TMEM181: variants seen among roughly 807,000 people sequenced by gnomAD.
TMEM181 encodes transmembrane protein 181.
In TMEM181, 39 loss-of-function variants were observed where a neutral mutation model predicts 71.9. The ratio of observed to expected loss-of-function variants is 0.54; its 90% CI spans 0.42 to 0.71. The LOEUF (loss-of-function observed/expected upper bound fraction) is 0.71, where lower values mean the gene tolerates loss of function less well. Among genes scored for constraint, TMEM181 ranks in the 30% least tolerant of loss-of-function variants. TMEM181 has a pLI of 0.00. For synonymous variants in TMEM181, 245 were observed against 228.8 expected (o/e 1.07, Z -0.64); for missense variants, 595 against 583.0 (o/e 1.02, Z -0.21).
intron 13 of TMEM181, chr6:158,628,169 T>G (rs1362345169): frequency 1.0e-5 from 7 of 670,124 alleles, no homozygotes; most frequent in Admixed American, 8.2e-5. Flanking sequence ...ATCCTGTCCC[T>G]GCAGCCGGCC....
intron 2 of TMEM181, among the ~76,000 whole-genome samples, chr6:158,576,439 T>A (rs1198750445): frequency 2.6e-5 from 4 of 152,132 alleles, no homozygotes; most frequent in Non-Finnish European, 5.9e-5. Flanking sequence ...CCCCGCTGGC[T>A]AACGTTACTT....
At chr6:158,573,546 TGAATCTTTTGCCATG>T in intron 2 of TMEM181, 23 bp downstream of exon 2, 1 of 1,569,818 alleles carries the variant, frequency 6.4e-7, no homozygotes, top group Non-Finnish European at 8.7e-7. Context: ...TTTTACTCAT[TGAATCTTTTGCCATG>T]CGCGGTGGCC....
At chr6:158,583,233 C>T (rs1188544185) in intron 3 of TMEM181, among the ~76,000 whole-genome samples, 1 of 152,036 alleles carries the variant, frequency 6.6e-6, no homozygotes, top group East Asian at 1.9e-4. Flanking sequence ...ACTCCCGTCT[C>T]AAAAAATAAT....
At chr6:158,612,954 A>G (rs1262698488) in intron 10 of TMEM181, among the ~76,000 whole-genome samples, 2 of 152,238 alleles carry the variant, frequency 1.3e-5, no homozygotes, top group African/African-American at 4.8e-5. Context: ...AGAGGTAGAA[A>G]TGACAAAAAG....
chr6:158,627,077 ACACCCT>A (rs71030183), intron 13 of TMEM181, among the ~76,000 whole-genome samples: 19,543 of 143,076 alleles, frequency 0.14, 1,341 homozygotes, highest in Non-Finnish European at 0.15. Context: ...CTTCACTGAC[ACACCCT>A]CACCCTCACC....
chr6:158,615,103 AAC>A (rs1383875033), intron 10 of TMEM181, among the ~76,000 whole-genome samples: 1 of 152,228 alleles, frequency 6.6e-6, no homozygotes, highest in Non-Finnish European at 1.5e-5. Flanking sequence ...CACTCCCACC[AAC>A]AGTGTAAAAG....
chr6:158,596,879 G>A (rs12662329), intron 6 of TMEM181, among the ~76,000 whole-genome samples: 54,938 of 152,026 alleles, frequency 0.36, 11,015 homozygotes, highest in East Asian at 0.75. Flanking sequence ...CCCATGATTC[G>A]ATGACCTCCC....
At chr6:158,592,617 TACTAATAGCTGTAGTAGTTCACC>T (rs1784170076) in intron 6 of TMEM181, among the ~76,000 whole-genome samples, 1 of 152,110 alleles carries the variant, frequency 6.6e-6, no homozygotes, top group Non-Finnish European at 1.5e-5. Flanking sequence ...GGATTACAGC[TACTAATAGCTGTAGTAGTTCACC>T]ACGCCCTGCT....
chr6:158,554,804 A>G (rs767566463), intron 1 of TMEM181, among the ~76,000 whole-genome samples: 13 of 152,388 alleles, frequency 8.5e-5, no homozygotes, highest in Non-Finnish European at 1.6e-4. Flanking sequence ...AATGTTAGTC[A>G]TGAGACAGTA....
At chr6:158,581,956 T>C (rs1783507911) in intron 3 of TMEM181, among the ~76,000 whole-genome samples, 1 of 152,054 alleles carries the variant, frequency 6.6e-6, no homozygotes, top group Non-Finnish European at 1.5e-5. Context: ...CACCATGATA[T>C]ATATAGTTTA....
At chr6:158,584,905 TA>T (rs997436269) in intron 4 of TMEM181, among the ~76,000 whole-genome samples, 65 of 152,338 alleles carry the variant, frequency 4.3e-4, no homozygotes, top group African/African-American at 1.3e-3. Flanking sequence ...ATGATTTTTT[TA>T]AAATGAGAAT....
chr6:158,580,033 A>C (rs1204178476), intron 2 of TMEM181, among the ~76,000 whole-genome samples: 1 of 152,144 alleles, frequency 6.6e-6, no homozygotes, highest in Non-Finnish European at 1.5e-5. Context: ...CTGTATGCTT[A>C]AAAATGGTTA....
At chr6:158,592,056 G>A (rs1323746314) in intron 6 of TMEM181, among the ~76,000 whole-genome samples, 1 of 152,158 alleles carries the variant, frequency 6.6e-6, no homozygotes, top group Non-Finnish European at 1.5e-5. Flanking sequence ...CTCATTTCTG[G>A]TGGCACTCTT....
chr6:158,605,160 A>ATG (rs1554227518), intron 6 of TMEM181, 107 bp from the exon 7 acceptor site: 1 of 523,172 alleles, frequency 1.9e-6, no homozygotes. Context: ...GTGTGTGTGT[A>ATG]TGTGTATATA....
At chr6:158,541,181 T>C (rs1352629566) in intron 1 of TMEM181, among the ~76,000 whole-genome samples, 5 of 151,998 alleles carry the variant, frequency 3.3e-5, no homozygotes, top group African/African-American at 1.2e-4. Flanking sequence ...TTTGGGAGGC[T>C]GATGGGGGCG....
chr6:158,564,847 AAAC>A (rs2128287810), intron 1 of TMEM181, among the ~76,000 whole-genome samples: 1 of 152,352 alleles, frequency 6.6e-6, no homozygotes, highest in African/African-American at 2.4e-5. Context: ...GGAAAAATAA[AAAC>A]AACAGTGTGA....
At chr6:158,537,001 T>G in intron 1 of TMEM181, 5 of 313,132 alleles carry the variant, frequency 1.6e-5, no homozygotes, top group East Asian at 3.5e-4. Flanking sequence ...AGCCTACGGA[T>G]GGGGACGGGG....
chr6:158,604,580 T>G (rs35934263), intron 6 of TMEM181, among the ~76,000 whole-genome samples: 22,864 of 152,168 alleles, frequency 0.15, 1,775 homozygotes, highest in Non-Finnish European at 0.16. Context: ...AGTGCACACT[T>G]GGCACACGTG....
intron 6 of TMEM181, among the ~76,000 whole-genome samples, chr6:158,601,022 C>T (rs915440759): frequency 6.6e-6 from 1 of 152,078 alleles, no homozygotes; most frequent in South Asian, 2.1e-4. Flanking sequence ...TCGACTAAGA[C>T]GTAGTAAACG....
Sources: gnomAD v4.1 joint callset for allele counts (sites outside exome capture counted in the v4.1 genomes callset) on GRCh38, gnomAD v4.1.1 for gene constraint, MANE v1.5 for transcripts, NCBI Gene and HGNC (gene_info 2026-07-23, HGNC 2026-07-21) for gene names.